The following CAPSL variants were observed in gnomAD, a reference collection of about 807,000 sequenced individuals.
CAPSL encodes the protein calcyphosine like.
Under a neutral mutation model 21.3 loss-of-function variants are expected in CAPSL, and 17 were observed. That is an observed-to-expected ratio of 0.80 (90% CI 0.55 to 1.20). CAPSL has a LOEUF of 1.20. Among genes scored for constraint, CAPSL ranks in the 50% most tolerant of loss-of-function variants. The probability of loss-of-function intolerance (pLI) is 0.00; values close to 1 mark genes in which losing one functional copy is unlikely to be tolerated. For missense variants in CAPSL, 289 were observed against 259.3 expected, an observed-to-expected ratio of 1.11 and a Z score of -0.79; for synonymous variants, 102 against 89.3, an observed-to-expected ratio of 1.14 and a Z score of -0.80.
chr5:35,924,616 A>G (rs1195115697), intron 1 of CAPSL, among the ~76,000 whole-genome samples: 2 of 152,140 alleles, frequency 1.3e-5, no homozygotes, highest in Non-Finnish European at 2.9e-5. Flanking sequence ...TGCCCATAGT[A>G]AGCATCCCTT....
chr5:35,913,231 A>AT (rs1738280521), intron 2 of CAPSL, among the ~76,000 whole-genome samples: 1 of 152,232 alleles, frequency 6.6e-6, no homozygotes. Flanking sequence ...TCTATGTCTG[A>AT]TTGGTGTACC....
At chr5:35,937,719 G>T (rs1018206744) in intron 1 of CAPSL, among the ~76,000 whole-genome samples, 9 of 151,936 alleles carry the variant, frequency 5.9e-5, no homozygotes, top group African/African-American at 2.2e-4. Context: ...CATTGCTATT[G>T]GGTAATTTTT....
intron 1 of CAPSL, among the ~76,000 whole-genome samples, chr5:35,924,994 T>C (rs1298206424): frequency 1.3e-5 from 2 of 152,238 alleles, no homozygotes; most frequent in Non-Finnish European, 2.9e-5. Flanking sequence ...AGACTCTGTC[T>C]GAACCTTAAA....
At chr5:35,910,152 C>T (rs372265672) in intron 3 of CAPSL, 77 bp from the exon 4 acceptor site, 3 of 1,234,942 alleles carry the variant, frequency 2.4e-6, no homozygotes, top group Non-Finnish European at 3.4e-6. Context: ...GATAAAATAT[C>T]TCATTCCCCT....
intron 2 of CAPSL, among the ~76,000 whole-genome samples, chr5:35,915,711 T>G (rs1407306832): frequency 6.6e-6 from 1 of 152,176 alleles, no homozygotes; most frequent in Non-Finnish European, 1.5e-5. Flanking sequence ...GGACGTTATC[T>G]CAAAATAATA....
chr5:35,936,328 C>T (rs953828379), intron 1 of CAPSL, among the ~76,000 whole-genome samples: 4 of 152,132 alleles, frequency 2.6e-5, no homozygotes, highest in African/African-American at 9.7e-5. Flanking sequence ...CAGTTATGCC[C>T]TTTTCCTCCT....
At chr5:35,931,556 T>C (rs1738825333) in intron 1 of CAPSL, among the ~76,000 whole-genome samples, 1 of 152,166 alleles carries the variant, frequency 6.6e-6, no homozygotes, top group Non-Finnish European at 1.5e-5. Flanking sequence ...AGCTCTCTCC[T>C]TGCTGTCTTC....
chr5:35,917,651 G>A lies in CAPSL; in HGVS notation c.137+3333C>T, dbSNP rs185172657. Among the ~76,000 whole-genome samples, 337 of 152,230 alleles carry A rather than the reference G, an allele frequency of 2.2e-3. 2 individuals carry two copies. The highest frequency in any genetic ancestry group is 7.9e-3 in the African/African-American group (328 of 41,524). On this transcript the variant is annotated intron_variant, in intron 2 of 4. Transcript: ENST00000651391. Reference sequence around the variant, plus strand: ...AAACACCGCATGTTCGCACTCATAGGTGGGAATTGAACAATGAGAACACAT... The same window carrying A: ...AAACACCGCATGTTCGCACTCATAGATGGGAATTGAACAATGAGAACACAT...
intron 4 of CAPSL, among the ~76,000 whole-genome samples, chr5:35,907,498 G>A (rs1760704735): frequency 6.6e-6 from 1 of 152,154 alleles, no homozygotes; most frequent in African/African-American, 2.4e-5. Flanking sequence ...GTGGGGTTTA[G>A]TGATAGAAAA....
rs543810361 is a variant in CAPSL, at chr5:35,915,410, A to G, written c.138-4867T>C. ...CAGCCGGACAGAGACACAACCAAAA[A>G]AGAGAATTTTAGACCAATATCCCTG... On this transcript the variant is annotated intron_variant, in intron 2 of 4. Transcript: ENST00000651391. Among the ~76,000 whole-genome samples, 11 of 152,318 alleles carry G rather than the reference A, an allele frequency of 7.2e-5. No homozygotes were observed. In the East Asian group the frequency reaches 1.9e-3, roughly 27 times the overall value.
At chr5:35,924,208 G>T (rs946203363) in intron 1 of CAPSL, among the ~76,000 whole-genome samples, 1 of 152,136 alleles carries the variant, frequency 6.6e-6, no homozygotes, top group South Asian at 2.1e-4. Context: ...TAATCCACAT[G>T]CTGTTAGAAC....
intron 1 of CAPSL, among the ~76,000 whole-genome samples, chr5:35,936,481 C>G (rs1738950658): frequency 6.6e-6 from 1 of 152,214 alleles, no homozygotes; most frequent in Non-Finnish European, 1.5e-5. Context: ...ATACTTCGGT[C>G]CATTTCAATA....
chr5:35,931,530 C>T (rs1382845285), intron 1 of CAPSL, among the ~76,000 whole-genome samples: 2 of 151,984 alleles, frequency 1.3e-5, no homozygotes, highest in Non-Finnish European at 2.9e-5. Flanking sequence ...TGTCAGGGGG[C>T]ATTCACTCTC....
At chr5:35,911,659 C>T (rs535668649) in intron 2 of CAPSL, among the ~76,000 whole-genome samples, 14 of 152,250 alleles carry the variant, frequency 9.2e-5, no homozygotes, top group South Asian at 2.1e-4. Flanking sequence ...GTAAAAACTA[C>T]GGAAGTATGA....
In CAPSL at chr5:35,921,047, G is replaced by A; in HGVS notation, c.74C>T (p.Pro25Leu). The A allele has an allele frequency of 6.2e-7, 1 of 1,614,112 alleles. No individual in the cohort carries two copies. The change falls in exon 2 of 5, where the codon CCC (proline) becomes CTC (leucine). Residue 25 changes from proline (P) to leucine (L), a missense_variant. By Grantham distance (98) the Pro-to-Leu change is moderately conservative. Transcript: ENST00000651391. ...GCACTGCAGTCGGAGTCTTTCAATG[G>A]GGTCGGTGGCCGTGGTGAGCTTTTT... ...AKKKLTTATD[P>L]IERLRLQCLA...
At chr5:35,920,273 T>C (rs1050093714) in intron 2 of CAPSL, among the ~76,000 whole-genome samples, 1 of 152,228 alleles carries the variant, frequency 6.6e-6, no homozygotes, top group South Asian at 2.1e-4. Context: ...AGATCACTCA[T>C]ATTGTCCATA....
At chr5:35,911,897 TG>T (rs1475120939) in intron 2 of CAPSL, among the ~76,000 whole-genome samples, 1 of 152,174 alleles carries the variant, frequency 6.6e-6, no homozygotes, top group South Asian at 2.1e-4. Context: ...AAGCATGAGC[TG>T]AAGCAGGGCA....
intron 2 of CAPSL, among the ~76,000 whole-genome samples, chr5:35,918,096 C>T (rs2149923493): frequency 6.6e-6 from 1 of 152,314 alleles, no homozygotes; most frequent in South Asian, 2.1e-4. Context: ...ACCCCACAAT[C>T]CCATTACCGG....
In CAPSL at chr5:35,938,015, A is replaced by T. The variant is rs138334735; in HGVS notation, c.-1+526T>A. ...TATTTGATATAATTTTGAACAAGCCATGTATGTACACTTTAATAAGCATCC... is the reference window on the plus strand; with the variant it reads ...TATTTGATATAATTTTGAACAAGCCTTGTATGTACACTTTAATAAGCATCC... On this transcript the variant is annotated intron_variant, in intron 1 of 4. Coordinates refer to ENST00000651391, the MANE Select transcript of CAPSL (RefSeq NM_001042625.2). 6.4e-3 allele frequency among the ~76,000 whole-genome samples: 973 copies of T among 152,338 alleles called. 10 individuals are homozygous for T. The highest frequency in any genetic ancestry group is 0.022 in the African/African-American group (925 of 41,562).
Sources: gnomAD v4.1 joint callset for allele counts (sites outside exome capture counted in the v4.1 genomes callset) on GRCh38, gnomAD v4.1.1 for gene constraint, MANE v1.5 for transcripts, NCBI Gene and HGNC (gene_info 2026-07-23, HGNC 2026-07-21) for gene names.